Variants in ABLIM1 observed in about 807,000 individuals in gnomAD.
ABLIM1 encodes the protein actin-binding LIM protein 1.
ABLIM1 carries 40 observed loss-of-function variants against 107.0 expected under a neutral mutation model. The observed-to-expected ratio is 0.37, with a 90% CI of 0.29 to 0.49. ABLIM1 has a LOEUF of 0.49. ABLIM1 is among the 20% of genes least tolerant of loss of function. The pLI is 0.97. For synonymous variants in ABLIM1, 357 were observed against 357.3 expected (o/e 1.00, Z 0.01); for missense variants, 857 against 1,008.5 (o/e 0.85, Z 2.04).
At chr10:114,480,545 T>C (rs1320152654) in intron 8 of ABLIM1, among the ~76,000 whole-genome samples, 1 of 152,218 alleles carries the variant, frequency 6.6e-6, no homozygotes, top group Non-Finnish European at 1.5e-5. Context: ...CTTTGGCATC[T>C]TCTGATGCCA....
the ABLIM1 span, among the ~76,000 whole-genome samples, chr10:114,787,453 G>T: frequency 6.9e-6 from 1 of 145,216 alleles, no homozygotes; most frequent in African/African-American, 2.5e-5. Context: ...GGAGGTGAGG[G>T]GCGCCTCTGC....
At chr10:114,663,044 T>G (rs559929693), upstream of ABLIM1, among the ~76,000 whole-genome samples, 1 of 152,304 alleles carries the variant, frequency 6.6e-6, no homozygotes, top group East Asian at 1.9e-4. Context: ...TGCCCACACA[T>G]CACAATCCAC....
At chr10:114,603,635 A>T (rs2076196062) in intron 1 of ABLIM1, among the ~76,000 whole-genome samples, 1 of 150,694 alleles carries the variant, frequency 6.6e-6, no homozygotes, top group Non-Finnish European at 1.5e-5. Flanking sequence ...TCCCTTGCAC[A>T]TTAAAAAAAA....
intron 1 of ABLIM1, among the ~76,000 whole-genome samples, chr10:114,602,474 T>C (rs1209126480): frequency 6.6e-6 from 1 of 152,152 alleles, no homozygotes; most frequent in African/African-American, 2.4e-5. Context: ...TCAGTAAATG[T>C]TTCTTTACGT....
intron 1 of ABLIM1, among the ~76,000 whole-genome samples, chr10:114,615,994 G>C (rs888998173): frequency 6.6e-6 from 1 of 152,142 alleles, no homozygotes; most frequent in African/African-American, 2.4e-5. Flanking sequence ...CCCCAGAACA[G>C]GACATGATGA....
At chr10:114,770,029 G>A (rs1048394362), upstream of ABLIM1, among the ~76,000 whole-genome samples, 3 of 152,046 alleles carry the variant, frequency 2.0e-5, no homozygotes, top group Non-Finnish European at 1.5e-5. Context: ...TGGTTGCCCT[G>A]CCTACATTCA....
chr10:114,546,901 C>A (rs2137607965), intron 5 of ABLIM1, among the ~76,000 whole-genome samples: 1 of 152,234 alleles, frequency 6.6e-6, no homozygotes, highest in South Asian at 2.1e-4. Context: ...CCACCTCAGA[C>A]TCACAAGTAG....
chr10:114,649,312 G>T (rs1480043775), intron 1 of ABLIM1, among the ~76,000 whole-genome samples: 2 of 151,814 alleles, frequency 1.3e-5, no homozygotes, highest in Admixed American at 6.6e-5. Context: ...GAGGCACAGA[G>T]AATCGCTGGA....
At chr10:114,467,615 T>C (rs944129829) in intron 11 of ABLIM1, among the ~76,000 whole-genome samples, 6 of 152,340 alleles carry the variant, frequency 3.9e-5, no homozygotes, top group Non-Finnish European at 7.3e-5. Context: ...ATTATTAGAA[T>C]ATAGGTAGAA....
At chr10:114,762,600 T>C (rs1161593872) in intron 1 of ABLIM1, among the ~76,000 whole-genome samples, 1 of 152,174 alleles carries the variant, frequency 6.6e-6, no homozygotes, top group Non-Finnish European at 1.5e-5. Flanking sequence ...CATAAAGATA[T>C]AGCCAAAGAA....
intron 4 of ABLIM1, 80 bp from the exon 5 acceptor site, chr10:114,547,856 G>A (rs2067554861): frequency 3.2e-6 from 5 of 1,542,966 alleles, no homozygotes; most frequent in South Asian, 1.2e-5. Flanking sequence ...CAACCCCACT[G>A]TGTGCCCATC....
At chr10:114,512,717 C>T (rs1309018935) in intron 6 of ABLIM1, among the ~76,000 whole-genome samples, 1 of 151,936 alleles carries the variant, frequency 6.6e-6, no homozygotes, top group East Asian at 1.9e-4. Flanking sequence ...CCCAGCTACT[C>T]AGGAGGCTGA....
chr10:114,453,467 G>T lies in ABLIM1; in HGVS notation c.1458C>A (p.Ser486Arg), dbSNP rs199995579. 1 of 1,599,804 alleles carries T rather than the reference G, an allele frequency of 6.3e-7. No homozygotes were observed. The highest frequency in any genetic ancestry group is 8.5e-7 in the Non-Finnish European group (1 of 1,171,086). ...HFHRPGNEPS[S>R]GRNSPLPYRP... ...GGTAAGGGAGAGGGGAGTTCCGGCC[G>T]CTGGACGGCTCATTGCCTCCAATGA... The change falls in exon 13 of 23, where the codon AGC becomes AGA. Residue 486 changes from serine (S) to arginine (R), a missense_variant. Ser to Arg is a moderately radical substitution (Grantham distance 110, BLOSUM62 -1). Coordinates refer to ENST00000533213, the MANE Select transcript of ABLIM1 (RefSeq NM_002313.7).
At chr10:114,620,342 A>T (rs2077389723) in intron 1 of ABLIM1, among the ~76,000 whole-genome samples, 1 of 152,158 alleles carries the variant, frequency 6.6e-6, no homozygotes, top group Non-Finnish European at 1.5e-5. Context: ...CAGGTCATTA[A>T]ACTCCAAACC....
chr10:114,439,962 G>C lies in ABLIM1; in HGVS notation c.2067+120C>G, dbSNP rs57307018. The C allele has an allele frequency of 0.013, 20,555 of 1,528,390 alleles. 1,329 individuals are homozygous for C. In the African/African-American group the frequency reaches 0.18, roughly 14 times the overall value. 94.7% of individuals were successfully genotyped at this position (1,528,390 alleles called of 1,614,324 possible). On this transcript the variant is annotated intron_variant, in intron 20 of 22. Coordinates refer to ENST00000533213, the MANE Select transcript of ABLIM1 (RefSeq NM_002313.7). ...TCACGGCTATAGAGTAATGACTAGAGAGATCAACCACAACAAGCATCTTCT... is the reference window on the plus strand; with the variant it reads ...TCACGGCTATAGAGTAATGACTAGACAGATCAACCACAACAAGCATCTTCT...
At chr10:114,679,283 G>T (rs1156439051) in intron 1 of ABLIM1, among the ~76,000 whole-genome samples, 1 of 152,168 alleles carries the variant, frequency 6.6e-6, no homozygotes, top group Non-Finnish European at 1.5e-5. Flanking sequence ...CTGAGGGCTT[G>T]CCAGACCCCT....
chr10:114,650,495 A>C (rs1014287761), intron 1 of ABLIM1, among the ~76,000 whole-genome samples: 1 of 152,220 alleles, frequency 6.6e-6, no homozygotes, highest in Non-Finnish European at 1.5e-5. Flanking sequence ...CACTCAAGGA[A>C]GTAATTTACA....
At position 114,473,975 on chromosome 10, in the gene ABLIM1, C is replaced by T; in HGVS notation, c.1042-19G>A. ...TGGTAGGCTGTAAAATAAACAGTGA[C>T]TTGTAAGACTTCGGACCCTGGCTTC... is the stretch of plus-strand genomic sequence containing the variant. On this transcript the variant is annotated intron_variant, in intron 8 of 22. Transcript: ENST00000533213. 3 of 1,598,436 alleles carry T rather than the reference C, an allele frequency of 1.9e-6. No homozygotes were observed. Among genetic ancestry groups the T allele is most frequent in the Non-Finnish European group, 2.6e-6 (3 of 1,166,522 alleles).
intron 1 of ABLIM1, among the ~76,000 whole-genome samples, chr10:114,712,233 A>G (rs969932628): frequency 3.3e-5 from 5 of 151,664 alleles, no homozygotes; most frequent in Non-Finnish European, 5.9e-5. Context: ...GGCACCTGTA[A>G]TCCTAGCTAC....
Sources: allele counts gnomAD v4.1 joint callset (sites outside exome capture counted in the v4.1 genomes callset), GRCh38; gene constraint gnomAD v4.1.1; transcripts MANE v1.5; gene names NCBI Gene and HGNC (gene_info 2026-07-23, HGNC 2026-07-21).